Variants in MDN1 observed in about 807,000 individuals in gnomAD.
MDN1 encodes the protein midasin AAA ATPase 1.
Under a neutral mutation model 669.2 loss-of-function variants are expected in MDN1, and 266 were observed. The ratio of observed to expected loss-of-function variants is 0.40; its 90% CI spans 0.36 to 0.44. The LOEUF is 0.44. MDN1 is among the 20% of genes least tolerant of loss of function. MDN1 has a pLI of 1.00. For missense variants in MDN1, 5,940 were observed against 6,754.0 expected (o/e 0.88, Z 4.22); for synonymous variants, 2,385 against 2,457.1 (o/e 0.97, Z 0.87).
intron 17 of MDN1, among the ~76,000 whole-genome samples, chr6:89,759,833 A>C (rs1050182748): frequency 1.3e-5 from 2 of 151,884 alleles, no homozygotes; most frequent in African/African-American, 4.8e-5. Context: ...GCACTCTGGA[A>C]GGCCAAGGTG....
rs951253611 is a variant in MDN1 at position 89,740,443 on chromosome 6, T to C, written c.4449-65A>G. ...AATCTTTCTGTTTTACAATCTTCAA[T>C]GCTCTTTAAAAGAAAAAAAAAAGTT... On this transcript the variant is annotated intron_variant, in intron 31 of 101. Transcript: ENST00000369393. 2.1e-5 allele frequency: 30 copies of C among 1,434,706 alleles called. 1 individual carries two copies. Among genetic ancestry groups the C allele is most frequent in the Middle Eastern group, 3.6e-4 (2 of 5,484 alleles). 88.9% of individuals were successfully genotyped at this position (1,434,706 alleles called of 1,614,324 possible).
At chr6:89,694,286 G>A in intron 61 of MDN1, 103 bp from the exon 62 acceptor site, 1 of 969,418 alleles carries the variant, frequency 1.0e-6, no homozygotes, top group Non-Finnish European at 1.6e-6. Flanking sequence ...GAAGGAATCT[G>A]GGTTCCTGAA....
chr6:89,741,759 T>C (rs1239198076), intron 31 of MDN1, among the ~76,000 whole-genome samples: 1 of 152,164 alleles, frequency 6.6e-6, no homozygotes, highest in Non-Finnish European at 1.5e-5. Context: ...CTCAACTTCC[T>C]GTGATTTCAA....
Position 89,685,746 on chromosome 6 carries a change from G to C in MDN1, c.11719+81C>G, listed in dbSNP as rs1005226189. ...TGTTTAAAACCTAGCGTGCAACAAGGCACCTGTCTCATGCAGAGAATTCAA... is the reference window on the plus strand; with the variant it reads ...TGTTTAAAACCTAGCGTGCAACAAGCCACCTGTCTCATGCAGAGAATTCAA... On this transcript the variant is annotated intron_variant, in intron 70 of 101. Coordinates refer to ENST00000369393, the MANE Select transcript of MDN1 (RefSeq NM_014611.3). 3.5e-5 allele frequency: 51 copies of C among 1,466,268 alleles called. No individual in the cohort carries two copies. The African/African-American group carries it at 6.4e-4, about 18-fold the overall frequency. 90.8% of individuals were successfully genotyped at this position (1,466,268 alleles called of 1,614,324 possible). A position where few individuals can be genotyped will look rare whatever the true frequency, so the allele number is the denominator to read the frequency against.
chr6:89,651,647 G>C (rs1300000397), intron 95 of MDN1, among the ~76,000 whole-genome samples: 1 of 152,040 alleles, frequency 6.6e-6, no homozygotes, highest in Non-Finnish European at 1.5e-5. Flanking sequence ...AATGCTAAGG[G>C]CAAATCCCTC....
intron 31 of MDN1, 125 bp downstream of exon 31, chr6:89,743,025 T>A (rs1816372618): frequency 1.7e-6 from 2 of 1,175,668 alleles, no homozygotes; most frequent in Non-Finnish European, 1.2e-6. Flanking sequence ...GAGGCTACAG[T>A]GAACTATGAT....
rs552702224 is a variant in MDN1 at position 89,736,013 on chromosome 6, TTCA to T, written c.4723+2310_4723+2312del. Reference sequence around the variant, plus strand: ...ACTGTGTCTCAAAAAAATAAATAAATTCATCAAATCTTAACTATCTTTAAAGAA... The same window carrying T: ...ACTGTGTCTCAAAAAAATAAATAAATTCAAATCTTAACTATCTTTAAAGAA... On this transcript the variant is annotated intron_variant, in intron 33 of 101. Coordinates refer to ENST00000369393, the MANE Select transcript of MDN1 (RefSeq NM_014611.3). Among the ~76,000 whole-genome samples, 32 of 152,270 alleles carry T rather than the reference TTCA, an allele frequency of 2.1e-4. 1 individual carries two copies. Among genetic ancestry groups the T allele is most frequent in the Admixed American group, 1.7e-3 (26 of 15,286 alleles).
At chr6:89,699,444 T>C (rs1465092744) in intron 58 of MDN1, among the ~76,000 whole-genome samples, 157 bp downstream of exon 58, 3 of 152,214 alleles carry the variant, frequency 2.0e-5, no homozygotes, top group African/African-American at 7.2e-5. Flanking sequence ...TATAAAAGAA[T>C]ATTTAAAATT....
Position 89,747,350 on chromosome 6 carries a change from G to C in MDN1, c.3883C>G (p.Leu1295Val). 1 of 1,613,842 alleles carries C rather than the reference G, an allele frequency of 6.2e-7. No homozygotes were observed. The highest frequency in any genetic ancestry group is 8.5e-7 in the Non-Finnish European group (1 of 1,179,930). Residue 1295 changes from leucine (L) to valine (V), a missense_variant, in exon 27 of 102, where the codon CTA (leucine) becomes GTA (valine). Leu to Val is a conservative substitution (Grantham distance 32, BLOSUM62 1). Coordinates refer to ENST00000369393, the MANE Select transcript of MDN1 (RefSeq NM_014611.3). Reference protein sequence around the residue: ...AEPTEKEYDWLQHLANDGYML... With the variant: ...AEPTEKEYDWVQHLANDGYML... The stretch of plus-strand genomic sequence containing the variant: ...ACACCATCATTGGCTAAATGCTGTA[G>C]CCAGTCATACTCCTTCTCGGTCGGC...
chr6:89,736,379 T>C (rs1343728660), intron 33 of MDN1, among the ~76,000 whole-genome samples: 2 of 152,170 alleles, frequency 1.3e-5, no homozygotes, highest in South Asian at 2.1e-4. Flanking sequence ...GTCATTCTTA[T>C]CACAATCCAA....
At position 89,678,089 on chromosome 6, in the gene MDN1, C is replaced by T. The variant is rs371983355; in HGVS notation, c.12413-393G>A. ...GAGATTGAGACCATCCTGGCTAACA[C>T]GGTGAAACCCTGTCTCTAGTAAAAA... On this transcript the variant is annotated intron_variant, in intron 75 of 101. Transcript: ENST00000369393. Among the ~76,000 whole-genome samples the T allele has an allele frequency of 4.9e-4, 75 of 152,178 alleles. 2 individuals are homozygous for T. The South Asian group carries it at 0.014, about 28-fold the overall frequency.
At chr6:89,654,443 G>A (rs1235346010) in intron 92 of MDN1, 109 bp from the exon 93 acceptor site, 3 of 1,403,564 alleles carry the variant, frequency 2.1e-6, no homozygotes, top group African/African-American at 1.4e-5. Context: ...TGCTAGTGAT[G>A]CAAGTTGTGC....
chr6:89,745,216 C>T (rs1816541939), intron 29 of MDN1, 57 bp downstream of exon 29: 1 of 1,485,432 alleles, frequency 6.7e-7, no homozygotes, highest in Admixed American at 1.8e-5. Flanking sequence ...AGTGATAACT[C>T]AAGTAATCCT....
chr6:89,686,660 T>C (rs1286693184), intron 69 of MDN1, among the ~76,000 whole-genome samples: 5 of 152,236 alleles, frequency 3.3e-5, no homozygotes, highest in Admixed American at 3.3e-4. Context: ...TACGACTGGT[T>C]CTCTAGACTT....
At chr6:89,660,483 C>G (rs1809656926) in intron 88 of MDN1, among the ~76,000 whole-genome samples, 1 of 151,928 alleles carries the variant, frequency 6.6e-6, no homozygotes, top group Non-Finnish European at 1.5e-5. Context: ...TGCAACCAGC[C>G]TACTGGGTTT....
At chr6:89,660,968 T>C (rs887379023) in intron 88 of MDN1, among the ~76,000 whole-genome samples, 1 of 152,210 alleles carries the variant, frequency 6.6e-6, no homozygotes, top group South Asian at 2.1e-4. Context: ...AATACTGTCA[T>C]ATGCCATGCG....
chr6:89,709,909 T>A (rs1813770562), intron 50 of MDN1, among the ~76,000 whole-genome samples: 1 of 152,174 alleles, frequency 6.6e-6, no homozygotes, highest in Non-Finnish European at 1.5e-5. Flanking sequence ...CATCAAGGTT[T>A]TCTCAGAGAC....
chr6:89,702,814 A>G (rs923636121), intron 53 of MDN1, among the ~76,000 whole-genome samples: 10 of 152,214 alleles, frequency 6.6e-5, no homozygotes, highest in Admixed American at 3.9e-4. Flanking sequence ...ATCTTTGCCT[A>G]TATTTAGATT....
At chr6:89,773,858 G>A (rs1045539994) in intron 13 of MDN1, among the ~76,000 whole-genome samples, 9 of 151,988 alleles carry the variant, frequency 5.9e-5, no homozygotes, top group African/African-American at 2.2e-4. Context: ...CCAGCTATTC[G>A]GGAGGCTGAG....
Sources: gnomAD v4.1 joint callset for allele counts (sites outside exome capture counted in the v4.1 genomes callset) on GRCh38, gnomAD v4.1.1 for gene constraint, MANE v1.5 for transcripts, NCBI Gene and HGNC (gene_info 2026-07-23, HGNC 2026-07-21) for gene names.